Variants in SLC30A8 observed in about 807,000 individuals in gnomAD.
The protein encoded by SLC30A8 is solute carrier family 30 member 8, also known as proton-coupled zinc antiporter SLC30A8.
SLC30A8 carries 27 observed loss-of-function variants against 36.9 expected under a neutral mutation model. That is an observed-to-expected ratio of 0.73 (90% confidence interval 0.54 to 1.01). The LOEUF is 1.01. Among genes scored for constraint, SLC30A8 ranks in the 50% least tolerant of loss-of-function variants. The pLI is 0.00. For missense variants in SLC30A8, 439 were observed against 452.0 expected, an observed-to-expected ratio of 0.97 and a Z score of 0.26; for synonymous variants, 164 against 172.4, an observed-to-expected ratio of 0.95 and a Z score of 0.38.
At chr8:117,110,224 C>G (rs909110363) in intron 2 of SLC30A8, among the ~76,000 whole-genome samples, 6 of 151,936 alleles carry the variant, frequency 3.9e-5, no homozygotes, top group Non-Finnish European at 1.5e-5. Context: ...ATTCTTTCCA[C>G]TCCTCTGAAT....
At chr8:116,975,447 A>G (rs1223899474) in intron 1 of SLC30A8, among the ~76,000 whole-genome samples, 2 of 152,230 alleles carry the variant, frequency 1.3e-5, no homozygotes, top group Non-Finnish European at 2.9e-5. Flanking sequence ...TCTTTAAAAT[A>G]TGTGGTCTGT....
intron 3 of SLC30A8, among the ~76,000 whole-genome samples, chr8:117,153,471 T>A (rs1284768451): frequency 6.6e-6 from 1 of 152,142 alleles, no homozygotes; most frequent in East Asian, 1.9e-4. Context: ...CCAAGAGAGT[T>A]ATAGAGATTG....
intron 2 of SLC30A8, among the ~76,000 whole-genome samples, chr8:117,050,711 A>T (rs1047434558): frequency 6.6e-6 from 1 of 152,016 alleles, no homozygotes; most frequent in Non-Finnish European, 1.5e-5. Flanking sequence ...TGGCTGACTG[A>T]TTTTTTACTA....
chr8:117,004,874 TA>T (rs1045509566), intron 1 of SLC30A8, among the ~76,000 whole-genome samples: 4 of 152,164 alleles, frequency 2.6e-5, no homozygotes, highest in African/African-American at 9.7e-5. Flanking sequence ...AACTTGTTTA[TA>T]AATAAGAGCA....
intron 1 of SLC30A8, among the ~76,000 whole-genome samples, chr8:117,028,564 T>TTA (rs1554625028): frequency 6.6e-6 from 1 of 151,630 alleles, no homozygotes; most frequent in African/African-American, 2.4e-5. Context: ...TTTTTTTTTT[T>TTA]ATTGTAAGGA....
chr8:117,135,424 C>G, intron 1 of SLC30A8, 26 bp downstream of exon 1: 2 of 1,546,324 alleles, frequency 1.3e-6, no homozygotes, highest in South Asian at 2.5e-5. Context: ...GTCTGCTTCA[C>G]AATTTTCTCT....
chr8:117,156,158 A>G (rs1369565706), intron 3 of SLC30A8, among the ~76,000 whole-genome samples: 12 of 152,032 alleles, frequency 7.9e-5, no homozygotes, highest in African/African-American at 2.4e-4. Flanking sequence ...CCCTGCCTCA[A>G]CGTCCTGAGT....
chr8:117,117,305 A>C (rs181939026), intron 2 of SLC30A8, among the ~76,000 whole-genome samples: 1 of 152,142 alleles, frequency 6.6e-6, no homozygotes, highest in Admixed American at 6.6e-5. Context: ...TTATGAACAA[A>C]AAAAAAGACA....
chr8:116,963,385 G>C (rs1047387285), intron 1 of SLC30A8, among the ~76,000 whole-genome samples: 15 of 151,776 alleles, frequency 9.9e-5, no homozygotes, highest in Non-Finnish European at 1.6e-4. Context: ...CCTAGTTCCA[G>C]AACATTTTCA....
intron 2 of SLC30A8, among the ~76,000 whole-genome samples, chr8:117,117,302 CA>C (rs533760135): frequency 3.3e-4 from 50 of 149,268 alleles, no homozygotes; most frequent in East Asian, 9.9e-4. Context: ...ATTTTATGAA[CA>C]AAAAAAAAGA....
chr8:117,033,369 T>C (rs1256913106), intron 1 of SLC30A8, among the ~76,000 whole-genome samples: 1 of 152,244 alleles, frequency 6.6e-6, no homozygotes, highest in Admixed American at 6.5e-5. Flanking sequence ...CTCAGTATGC[T>C]GTGTGGAATT....
chr8:117,066,749 G>T (rs997583890), intron 2 of SLC30A8, among the ~76,000 whole-genome samples: 3 of 151,992 alleles, frequency 2.0e-5, no homozygotes, highest in African/African-American at 7.2e-5. Flanking sequence ...GGGACTTTTG[G>T]CAATAAAGGA....
chr8:117,014,372 G>A (rs1036259199), intron 1 of SLC30A8, among the ~76,000 whole-genome samples: 4 of 152,150 alleles, frequency 2.6e-5, no homozygotes, highest in Admixed American at 2.6e-4. Flanking sequence ...TCATCTTTGA[G>A]GAAATTCTCA....
rs140477892 is a variant in SLC30A8 at position 117,018,605 on chromosome 8, G to A, written c.-265-20614G>A. On this transcript the variant is annotated intron_variant, in intron 1 of 10. Coordinates refer to the SLC30A8 transcript ENST00000427715. ...TGTGTTGCATAGCACTGTTGCGTTT[G>A]ATAGTGTTGGCCTAGACCACAGGTT... Among the ~76,000 whole-genome samples, 377 of 150,776 alleles carry A rather than the reference G, an allele frequency of 2.5e-3. 1 individual carries two copies. The highest frequency in any genetic ancestry group is 8.8e-3 in the African/African-American group (360 of 41,118).
intron 1 of SLC30A8, among the ~76,000 whole-genome samples, chr8:116,972,443 C>T (rs1814823340): frequency 6.6e-6 from 1 of 152,198 alleles, no homozygotes; most frequent in South Asian, 2.1e-4. Flanking sequence ...CTGTTTTTGA[C>T]TTGGGTTAAG....
intron 4 of SLC30A8, among the ~76,000 whole-genome samples, chr8:117,159,180 T>A (rs1303757681): frequency 1.6e-5 from 2 of 123,778 alleles, no homozygotes; most frequent in African/African-American, 5.1e-5. Context: ...TCCAGAACTA[T>A]AATAAGTTTG....
At chr8:116,971,317 A>C (rs58398558) in intron 1 of SLC30A8, among the ~76,000 whole-genome samples, 2,180 of 152,088 alleles carry the variant, frequency 0.014, 57 homozygotes, top group African/African-American at 0.05. Flanking sequence ...AAAAAAAACA[A>C]AAACACATCA....
chr8:116,988,509 A>T (rs1035888741), intron 1 of SLC30A8, among the ~76,000 whole-genome samples: 1 of 152,178 alleles, frequency 6.6e-6, no homozygotes, highest in Non-Finnish European at 1.5e-5. Flanking sequence ...CCCCGTTCAC[A>T]TAATTACCTT....
At chr8:117,049,276 A>C (rs887969337) in intron 2 of SLC30A8, among the ~76,000 whole-genome samples, 1 of 152,224 alleles carries the variant, frequency 6.6e-6, no homozygotes, top group African/African-American at 2.4e-5. Flanking sequence ...TGTTGCCCAC[A>C]TGCCAACCAC....
Sources: gnomAD v4.1 joint callset for allele counts (sites outside exome capture counted in the v4.1 genomes callset) on GRCh38, gnomAD v4.1.1 for gene constraint, MANE v1.5 for transcripts, NCBI Gene and HGNC (gene_info 2026-07-23, HGNC 2026-07-21) for gene names.